RSRC2: variants seen among roughly 807,000 people sequenced by gnomAD.
The protein encoded by RSRC2 is arginine and serine rich coiled-coil 2.
Under a neutral mutation model 61.3 loss-of-function variants are expected in RSRC2, and 5 were observed. The ratio of observed to expected loss-of-function variants is 0.08; its 90% CI spans 0.04 to 0.17. The LOEUF is 0.17. Ranked by LOEUF, RSRC2 falls within the 10% of genes least tolerant of loss-of-function variation. The pLI is 1.00. For synonymous variants in RSRC2, 202 were observed against 166.5 expected, an observed-to-expected ratio of 1.21 and a Z score of -1.64; for missense variants, 381 against 518.8, an observed-to-expected ratio of 0.73 and a Z score of 2.58.
chr12:122,515,250 T>G (rs1156932240), intron 5 of RSRC2, 23 bp from the exon 6 acceptor site: 1 of 1,605,934 alleles, frequency 6.2e-7, no homozygotes, highest in Admixed American at 1.7e-5. Flanking sequence ...GTATTTCATA[T>G]GTCAAATTAT....
Position 122,511,100 on chromosome 12 carries a change from A to G in RSRC2, c.805+9T>C. On this transcript the variant is annotated intron_variant, in intron 7 of 9. Coordinates refer to ENST00000331738, the MANE Select transcript of RSRC2 (RefSeq NM_023012.6). ...ATCGAGATGACTAAAAAAGAATGAA[A>G]AAAATTACCTGCAGCTATTTCTTGT... 6.3e-7 allele frequency: 1 copy of G among 1,587,102 alleles called. No individual in the cohort carries two copies. Among genetic ancestry groups the G allele is most frequent in the Non-Finnish European group, 8.5e-7 (1 of 1,169,610 alleles).
At chr12:122,509,550 CTG>C (rs1958341606) in intron 7 of RSRC2, among the ~76,000 whole-genome samples, 1 of 151,854 alleles carries the variant, frequency 6.6e-6, no homozygotes, top group Admixed American at 6.6e-5. Context: ...GGTATTTCCA[CTG>C]TGATTGAGCA....
In RSRC2 at chr12:122,507,301, G is replaced by A. The variant is rs1958173703; in HGVS notation, c.1036-378C>T. The A allele has an allele frequency of 1.2e-5, 3 of 245,876 alleles. No individual in the cohort carries two copies. In the South Asian group the frequency reaches 1.3e-4, roughly 11 times the overall value. The allele number at this position is 245,876 out of a possible 1,614,324, so 15.2% of individuals were successfully genotyped here. A position where few individuals can be genotyped will look rare whatever the true frequency, so the allele number is the denominator to read the frequency against. On this transcript the variant is annotated intron_variant, in intron 8 of 9. Coordinates refer to ENST00000331738, the MANE Select transcript of RSRC2 (RefSeq NM_023012.6). ...GGAGTCTGAGGCAGGAGAATTGCTT[G>A]AACCTGGGAGGCAGAGGTTGCAGTG...
chr12:122,510,448 A>C (rs1055021555), intron 7 of RSRC2, among the ~76,000 whole-genome samples: 2 of 152,102 alleles, frequency 1.3e-5, no homozygotes, highest in African/African-American at 4.8e-5. Flanking sequence ...AGAATCGCTT[A>C]AATCCAAGAG....
chr12:122,520,895 C>T, intron 3 of RSRC2: 1 of 249,548 alleles, frequency 4.0e-6, no homozygotes, highest in South Asian at 4.3e-5. Context: ...TTTCAGCTGT[C>T]CCTCACTCAA....
rs770378401 is a variant in RSRC2 at position 122,515,203 on chromosome 12, C to G, written c.627G>C (p.Lys209Asn). ...TTAAACTTCTGCTAAATCTTCTCGG[C>G]TTTTCAATTCTCTTCTTTCTATCTC... ...RSRDRKKRIE[K>N]PRRFSRSLSR... Residue 209 changes from lysine (K) to asparagine (N), a missense_variant, in exon 6 of 10, where the codon AAG (lysine) becomes AAC (asparagine). Coordinates refer to ENST00000331738, the MANE Select transcript of RSRC2 (RefSeq NM_023012.6). 4 of 1,613,890 alleles carry G rather than the reference C, an allele frequency of 2.5e-6. No individual in the cohort carries two copies. Among genetic ancestry groups the G allele is most frequent in the Non-Finnish European group, 2.5e-6 (3 of 1,179,948 alleles).
In RSRC2 at chr12:122,508,353, T is replaced by G. The variant is rs763680311; in HGVS notation, c.900A>C (p.Ala300=). The G allele has an allele frequency of 6.2e-7, 1 of 1,614,188 alleles. No homozygotes were observed. The highest frequency in any genetic ancestry group is 8.5e-7 in the Non-Finnish European group (1 of 1,180,002). ...CTGCCAAAGCTTTAGCTTGCAGGGC[T>G]GCCATCTGAGCTGCCATGGCTATCT... ...TPQIAMAAQM[A]ALQAKALAET... is the part of the protein sequence containing the mutation. The change falls in exon 8 of 10, where the codon GCA becomes GCC. Residue 300 remains alanine, a synonymous_variant. Coordinates refer to ENST00000331738, the MANE Select transcript of RSRC2 (RefSeq NM_023012.6).
chr12:122,503,779 A>C lies in RSRC2; in HGVS notation c.*1748T>G, dbSNP rs937209759. 4 of 152,232 alleles carry C rather than the reference A, an allele frequency of 2.6e-5. No individual in the cohort carries two copies. 9.4% of individuals were successfully genotyped at this position (152,232 alleles called of 1,614,324 possible). ...GGGAAAATGAAAGGTTTATTAAAGT[A>C]CATTAAAAATCTTACAATCTGGCTA... On this transcript the variant is annotated 3_prime_UTR_variant, in exon 10 of 10. Coordinates refer to ENST00000331738, the MANE Select transcript of RSRC2 (RefSeq NM_023012.6).
chr12:122,522,117 T>C (rs1331731169), intron 2 of RSRC2, 26 bp downstream of exon 2: 3 of 1,596,672 alleles, frequency 1.9e-6, no homozygotes, highest in Admixed American at 1.8e-5. Flanking sequence ...ATGCTGAGAG[T>C]TGTAACCACC....
At position 122,508,459 on chromosome 12, in the gene RSRC2, G is replaced by T. The variant is rs748252808; in HGVS notation, c.806-12C>A. On this transcript the variant is annotated splice_polypyrimidine_tract_variant and intron_variant, in intron 7 of 9. Transcript: ENST00000331738. The stretch of plus-strand genomic sequence containing the variant: ...TCCAGTAGCTGCAGCTGCTTGAAGA[G>T]AATACAAAAATGGATTTTAAAACGA... The T allele has an allele frequency of 2.5e-6, 4 of 1,593,868 alleles. No homozygotes were observed. In the African/African-American group the frequency reaches 5.4e-5, roughly 21 times the overall value.
chr12:122,509,725 A>G (rs758867649), intron 7 of RSRC2, among the ~76,000 whole-genome samples: 6 of 152,262 alleles, frequency 3.9e-5, no homozygotes, highest in South Asian at 2.1e-4. Context: ...AGAGTTTCAA[A>G]TAAGTGCCAC....
chr12:122,516,931 A>G (rs1052050939), intron 5 of RSRC2, among the ~76,000 whole-genome samples: 1 of 152,104 alleles, frequency 6.6e-6, no homozygotes, highest in East Asian at 1.9e-4. Flanking sequence ...GGGCTCAAAA[A>G]ATCTGCTCGC....
At chr12:122,517,007 A>G (rs973019660) in intron 5 of RSRC2, among the ~76,000 whole-genome samples, 109 of 152,170 alleles carry the variant, frequency 7.2e-4, no homozygotes, top group African/African-American at 2.4e-3. Context: ...AGGCCTATTC[A>G]TACCTGCACT....
At chr12:122,505,762 CACTT>C in intron 9 of RSRC2, 56 bp from the exon 10 acceptor site, 4 of 1,419,952 alleles carry the variant, frequency 2.8e-6, no homozygotes, top group Non-Finnish European at 3.9e-6. Flanking sequence ...AATATTCTCT[CACTT>C]GACACTATTT....
intron 7 of RSRC2, 56 bp downstream of exon 7, chr12:122,511,052 CA>C (rs1409127979): frequency 2.4e-5 from 32 of 1,345,038 alleles, no homozygotes; most frequent in Non-Finnish European, 3.1e-5. Flanking sequence ...CTGTGAAAAA[CA>C]AAAAAGCTTG....
At chr12:122,521,812 C>T (rs1959235661) in intron 2 of RSRC2, among the ~76,000 whole-genome samples, 1 of 152,184 alleles carries the variant, frequency 6.6e-6, no homozygotes, top group Admixed American at 6.5e-5. Context: ...TTGATATGTT[C>T]CAACATGGTG....
At chr12:122,520,569 G>A in intron 3 of RSRC2, 1 of 1,366,936 alleles carries the variant, frequency 7.3e-7, no homozygotes, top group Non-Finnish European at 9.8e-7. Context: ...CAGTCTCTTC[G>A]CGCATAAGCA....
chr12:122,520,685 G>C (rs1959185650), intron 3 of RSRC2: 3 of 741,232 alleles, frequency 4.0e-6, no homozygotes, highest in Non-Finnish European at 6.2e-6. Context: ...TTCCATTACG[G>C]GAAGAGGTGA....
rs1958466405 is a variant in RSRC2 at position 122,511,005 on chromosome 12, A to G, written c.805+104T>C. ...TTGAGGCTACCATGCGCTATGCTGG[A>G]GCCACTGCACTCCAGTCAGAATGAC... On this transcript the variant is annotated intron_variant, in intron 7 of 9. Transcript: ENST00000331738. The G allele has an allele frequency of 5.3e-6, 4 of 760,132 alleles. No homozygotes were observed. In the South Asian group the frequency reaches 7.2e-5, roughly 14 times the overall value. The allele number at this position is 760,132 out of a possible 1,614,324, so 47.1% of individuals were successfully genotyped here. A position where few individuals can be genotyped will look rare whatever the true frequency, so the allele number is the denominator to read the frequency against.
Sources: allele counts gnomAD v4.1 joint callset (sites outside exome capture counted in the v4.1 genomes callset), GRCh38; gene constraint gnomAD v4.1.1; transcripts MANE v1.5; gene names NCBI Gene and HGNC (gene_info 2026-07-23, HGNC 2026-07-21).